The following FRAS1 variants were observed in gnomAD, a reference collection of about 807,000 sequenced individuals.
The protein encoded by FRAS1 is Fraser extracellular matrix complex subunit 1.
Under a neutral mutation model 435.2 loss-of-function variants are expected in FRAS1, and 290 were observed. The observed-to-expected ratio is 0.67, with a 90% CI of 0.61 to 0.73. The LOEUF (loss-of-function observed/expected upper bound fraction) is 0.73, where lower values mean the gene tolerates loss of function less well. Ranked by LOEUF, FRAS1 falls within the 30% of genes least tolerant of loss-of-function variation. FRAS1 has a pLI of 0.00. For synonymous variants in FRAS1, 1,800 were observed against 1,851.0 expected (o/e 0.97, Z 0.71); for missense variants, 4,860 against 5,001.5 (o/e 0.97, Z 0.85).
At chr4:78,132,061 T>C (rs893112725) in intron 2 of FRAS1, among the ~76,000 whole-genome samples, 2 of 152,206 alleles carry the variant, frequency 1.3e-5, no homozygotes, top group African/African-American at 4.8e-5. Flanking sequence ...AAAATTCCTT[T>C]GTTTTCTCTT....
In FRAS1 at chr4:78,479,513, T is replaced by C. The variant is rs1425616270; in HGVS notation, c.8238T>C (p.Pro2746=). ...MSAASRVIFG[P]GVTMSTCDVM... Reference sequence around the variant, plus strand: ...CCGCGAGTCGTGTGATATTCGGGCCTGGTGTGACCATGTCCACCTGTGATG... The same window carrying C: ...CCGCGAGTCGTGTGATATTCGGGCCCGGTGTGACCATGTCCACCTGTGATG... The change falls in exon 56 of 74, where the codon CCT becomes CCC. Residue 2746 remains proline, a synonymous_variant. Coordinates refer to ENST00000512123, the MANE Select transcript of FRAS1 (RefSeq NM_025074.7). 6.2e-7 allele frequency: 1 copy of C among 1,613,906 alleles called. No individual in the cohort carries two copies. Among genetic ancestry groups the C allele is most frequent in the South Asian group, 1.1e-5 (1 of 91,072 alleles).
At chr4:78,267,119 G>T (rs562768810) in intron 8 of FRAS1, 122 bp from the exon 9 acceptor site, 3 of 1,029,818 alleles carry the variant, frequency 2.9e-6, no homozygotes, top group African/African-American at 1.6e-5. Flanking sequence ...CCTGCCCATC[G>T]TGGGTCGGGC....
intron 49 of FRAS1, among the ~76,000 whole-genome samples, chr4:78,465,326 C>G (rs1343330067): frequency 6.6e-6 from 1 of 152,006 alleles, no homozygotes; most frequent in East Asian, 1.9e-4. Flanking sequence ...GGGGGAAAGA[C>G]TTACTAGTAA....
At chr4:78,200,373 A>C (rs1722999293) in intron 2 of FRAS1, among the ~76,000 whole-genome samples, 1 of 152,138 alleles carries the variant, frequency 6.6e-6, no homozygotes. Context: ...CATGATATGG[A>C]GCTCCTGACA....
At chr4:78,540,148 A>T (rs1406350982) in intron 73 of FRAS1, among the ~76,000 whole-genome samples, 1 of 152,244 alleles carries the variant, frequency 6.6e-6, no homozygotes, top group Non-Finnish European at 1.5e-5. Context: ...TAAATAGTAA[A>T]TTGGCATAAC....
At chr4:78,316,733 T>C (rs1405490063) in intron 16 of FRAS1, among the ~76,000 whole-genome samples, 3 of 152,238 alleles carry the variant, frequency 2.0e-5, no homozygotes, top group African/African-American at 7.2e-5. Flanking sequence ...GTCATTACTG[T>C]AATTGTTACT....
At chr4:78,360,110 G>A (rs966541423) in intron 20 of FRAS1, among the ~76,000 whole-genome samples, 12 of 152,146 alleles carry the variant, frequency 7.9e-5, no homozygotes, top group African/African-American at 2.2e-4. Context: ...TTTATAAGTC[G>A]GTTGGAGGCA....
intron 37 of FRAS1, among the ~76,000 whole-genome samples, chr4:78,430,961 G>A (rs1372454791): frequency 1.3e-5 from 2 of 152,048 alleles, no homozygotes; most frequent in Admixed American, 6.6e-5. Context: ...AATAATATAT[G>A]TTTATTATTT....
At chr4:78,514,361 A>G (rs1347297685) in intron 65 of FRAS1, among the ~76,000 whole-genome samples, 3 of 152,208 alleles carry the variant, frequency 2.0e-5, no homozygotes, top group Admixed American at 1.3e-4. Flanking sequence ...GTCCATTTCC[A>G]TTTACCTTAG....
chr4:78,468,911 G>T (rs953982627), intron 50 of FRAS1, among the ~76,000 whole-genome samples: 3 of 152,080 alleles, frequency 2.0e-5, no homozygotes, highest in Admixed American at 6.5e-5. Context: ...TATTTTCCTG[G>T]AAAAAAAGAT....
chr4:78,058,117 TGTGC>T (rs1437741819), intron 1 of FRAS1, 32 bp downstream of exon 1: 116 of 1,540,706 alleles, frequency 7.5e-5, no homozygotes, highest in Non-Finnish European at 9.5e-5. Flanking sequence ...TGTGTGTGTG[TGTGC>T]GTGTGCGTGT....
Position 78,469,975 on chromosome 4 carries a change from C to G in FRAS1, c.7258-3C>G, listed in dbSNP as rs777618657. 1.9e-6 allele frequency: 3 copies of G among 1,609,546 alleles called. No homozygotes were observed. The South Asian group carries it at 3.3e-5, about 18-fold the overall frequency. The stretch of plus-strand genomic sequence containing the variant: ...GAGTTTTCTTTTCTGCCCTCCCCTT[C>G]AGATTATGACAGCAGCACCTCAGCC... On this transcript the variant is annotated splice_polypyrimidine_tract_variant and splice_region_variant and intron_variant, in intron 50 of 73. Coordinates refer to ENST00000512123, the MANE Select transcript of FRAS1 (RefSeq NM_025074.7).
In FRAS1 at chr4:78,112,625, G is replaced by T. The variant is rs139615063; in HGVS notation, c.108+46609G>T. On this transcript the variant is annotated intron_variant, in intron 2 of 73. Coordinates refer to ENST00000512123, the MANE Select transcript of FRAS1 (RefSeq NM_025074.7). The stretch of plus-strand genomic sequence containing the variant: ...TAAGTAGTACTTGTTCTTGCCAAAC[G>T]GATTTTGTACATGGCTACTTATTTC... Among the ~76,000 whole-genome samples the T allele has an allele frequency of 1.3e-3, 204 of 152,026 alleles. 2 individuals are homozygous for T. Among genetic ancestry groups the T allele is most frequent in the African/African-American group, 4.7e-3 (196 of 41,494 alleles).
At chr4:78,375,588 T>C in intron 25 of FRAS1, 151 bp from the exon 26 acceptor site, 1 of 622,526 alleles carries the variant, frequency 1.6e-6, no homozygotes, top group Non-Finnish European at 2.7e-6. Context: ...GCTCCCTATA[T>C]ATTCTGTAGG....
chr4:78,167,804 C>T (rs1050202419), intron 2 of FRAS1, among the ~76,000 whole-genome samples: 1 of 151,962 alleles, frequency 6.6e-6, no homozygotes, highest in African/African-American at 2.4e-5. Context: ...AGCCAGTTGA[C>T]ACAGTGGGTA....
At chr4:78,164,261 C>A (rs973482934) in intron 2 of FRAS1, among the ~76,000 whole-genome samples, 4 of 151,964 alleles carry the variant, frequency 2.6e-5, no homozygotes, top group African/African-American at 9.7e-5. Flanking sequence ...GGGTAGTATG[C>A]GATGCTTGGA....
intron 14 of FRAS1, among the ~76,000 whole-genome samples, chr4:78,298,467 G>C (rs1000534618): frequency 6.6e-6 from 1 of 152,028 alleles, no homozygotes. Context: ...GCATATTCCT[G>C]TGTTGAAATA....
At position 78,379,919 on chromosome 4, in the gene FRAS1, G is replaced by T; in HGVS notation, c.3486G>T (p.Leu1162=). The T allele has an allele frequency of 6.2e-7, 1 of 1,613,876 alleles. No homozygotes were observed. Among genetic ancestry groups the T allele is most frequent in the Non-Finnish European group, 8.5e-7 (1 of 1,179,834 alleles). ...VLSRNGKEVQ[L]DKAGRFSWKD... ...CAAGAAATGGAAAAGAGGTTCAGCT[G>T]GACAAGGCTGGCCGTTTTAGCTGGA... Residue 1162 remains leucine, a synonymous_variant, in exon 27 of 74, where the codon CTG becomes CTT. Coordinates refer to ENST00000512123, the MANE Select transcript of FRAS1 (RefSeq NM_025074.7).
At chr4:78,077,194 A>AG (rs1381236871) in intron 2 of FRAS1, among the ~76,000 whole-genome samples, 2 of 67,948 alleles carry the variant, frequency 2.9e-5, no homozygotes, top group African/African-American at 9.9e-5. Context: ...CCAGACACAC[A>AG]GAAACACACA....
Sources: allele counts gnomAD v4.1 joint callset (sites outside exome capture counted in the v4.1 genomes callset), GRCh38; gene constraint gnomAD v4.1.1; transcripts MANE v1.5; gene names NCBI Gene and HGNC (gene_info 2026-07-23, HGNC 2026-07-21).